The following ATXN10 variants were observed in gnomAD, a reference collection of about 807,000 sequenced individuals.
ATXN10 encodes the protein ataxin 10.
In ATXN10, 28 loss-of-function variants were observed where a neutral mutation model predicts 52.9. That is an observed-to-expected ratio of 0.53 (90% confidence interval 0.39 to 0.73). The LOEUF (loss-of-function observed/expected upper bound fraction) is 0.73. ATXN10 is among the 30% of genes least tolerant of loss of function. The pLI is 0.00. For synonymous variants in ATXN10, 226 were observed against 221.5 expected (o/e 1.02, Z -0.18); for missense variants, 565 against 577.0 (o/e 0.98, Z 0.21).
rs1311962971 is a variant in ATXN10 at position 45,806,951 on chromosome 22, C to T, written c.1174-8C>T. ...TTCAGTGTATAAACTTATCTTCTTTCTCTCTAGGTAAATGAGCTGGATGGT... is the reference window on the plus strand; with the variant it reads ...TTCAGTGTATAAACTTATCTTCTTTTTCTCTAGGTAAATGAGCTGGATGGT... On this transcript the variant is annotated splice_polypyrimidine_tract_variant and splice_region_variant and intron_variant, in intron 9 of 11. Transcript: ENST00000252934. 6.2e-7 allele frequency: 1 copy of T among 1,610,794 alleles called. No individual in the cohort carries two copies. Among genetic ancestry groups the T allele is most frequent in the Non-Finnish European group, 8.5e-7 (1 of 1,177,126 alleles).
At chr22:45,793,678 G>C in intron 9 of ATXN10, 1 of 1,460,292 alleles carries the variant, frequency 6.8e-7, no homozygotes, top group Non-Finnish European at 9.1e-7. Flanking sequence ...CATCTCAAGA[G>C]AAGTCACCAA....
rs1445557407 is a variant in ATXN10 at position 45,700,873 on chromosome 22, A to G, written c.488+495A>G. On this transcript the variant is annotated intron_variant, in intron 4 of 11. Coordinates refer to ENST00000252934, the MANE Select transcript of ATXN10 (RefSeq NM_013236.4). ...GAAGATGTGGATAAACAATCAGTTT[A>G]TCCATGTAAGAAGTGAGTAACCAGT... Among the ~76,000 whole-genome samples, 3 of 152,230 alleles carry G rather than the reference A, an allele frequency of 2.0e-5. No individual in the cohort carries two copies. In the East Asian group the frequency reaches 5.8e-4, roughly 29 times the overall value.
At chr22:45,725,523 A>G (rs1793710581) in intron 6 of ATXN10, among the ~76,000 whole-genome samples, 1 of 151,184 alleles carries the variant, frequency 6.6e-6, no homozygotes, top group South Asian at 2.1e-4. Context: ...TTGTTACCTG[A>G]GACTTTACTG....
intron 4 of ATXN10, among the ~76,000 whole-genome samples, chr22:45,702,195 G>A (rs978675596): frequency 4.6e-5 from 7 of 152,148 alleles, no homozygotes; most frequent in African/African-American, 1.7e-4. Context: ...ATATGTCAGT[G>A]ACCTTCCCCA....
At chr22:45,760,684 A>G (rs1378684065) in intron 9 of ATXN10, 1 of 154,068 alleles carries the variant, frequency 6.5e-6, no homozygotes, top group Non-Finnish European at 1.5e-5. Context: ...CTCTTACCTC[A>G]TTTAATGATG....
Position 45,837,959 on chromosome 22 carries a change from A to G in ATXN10, c.1238-5032A>G, listed in dbSNP as rs1269535636. 6.6e-6 allele frequency among the ~76,000 whole-genome samples: 1 copy of G among 152,230 alleles called. No individual in the cohort carries two copies. The highest frequency in any genetic ancestry group is 1.5e-5 in the Non-Finnish European group (1 of 68,042). ...AAACACCGACAGAGCAGTGACCAGA[A>G]CAGAGTTCCTGTCGCCCTGGAGTCT... On this transcript the variant is annotated intron_variant, in intron 10 of 11. Transcript: ENST00000252934. This position sits in a 1 kb window ranked among gnomAD's most constrained non-coding sequence, Gnocchi z 5.8.
At chr22:45,803,148 A>G (rs1407227334) in intron 9 of ATXN10, among the ~76,000 whole-genome samples, 4 of 152,330 alleles carry the variant, frequency 2.6e-5, no homozygotes, top group African/African-American at 9.6e-5. Context: ...AGAAGGCACT[A>G]TCATCCCCAT....
intron 9 of ATXN10, among the ~76,000 whole-genome samples, chr22:45,771,744 G>T (rs547793278): frequency 1.3e-5 from 2 of 151,946 alleles, no homozygotes; most frequent in Non-Finnish European, 2.9e-5. Flanking sequence ...ATCTGTTCCA[G>T]TCTTTTCCTT....
At position 45,784,873 on chromosome 22, in the gene ATXN10, C is replaced by A. The variant is rs544169736; in HGVS notation, c.1174-22086C>A. ...TGATGGCAAGGAGCTTATCATAATA[C>A]AACAAGCAATTGAGATTCTGTCCAT... On this transcript the variant is annotated intron_variant, in intron 9 of 11. Coordinates refer to ENST00000252934, the MANE Select transcript of ATXN10 (RefSeq NM_013236.4). The surrounding 1 kb of genome is among the most constrained non-coding windows in gnomAD (Gnocchi z 4.2). Among the ~76,000 whole-genome samples, 1 of 152,294 alleles carries A rather than the reference C, an allele frequency of 6.6e-6. No individual in the cohort carries two copies. The highest frequency in any genetic ancestry group is 2.1e-4 in the South Asian group (1 of 4,822).
chr22:45,718,587 C>A lies in ATXN10; in HGVS notation c.728+94C>A. The A allele has an allele frequency of 2.7e-6, 3 of 1,102,194 alleles. No individual in the cohort carries two copies. Among genetic ancestry groups the A allele is most frequent in the South Asian group, 2.5e-5 (2 of 80,494 alleles). 68.3% of individuals were successfully genotyped at this position (1,102,194 alleles called of 1,614,324 possible). ...AAAAGCTGTGTGGTTTCTGAGTTGG[C>A]ACAGAATCTCTAAATACATGTTTCT... is the stretch of plus-strand genomic sequence containing the variant. On this transcript the variant is annotated intron_variant, in intron 6 of 11. Transcript: ENST00000252934. This position sits in a 1 kb window ranked among gnomAD's most constrained non-coding sequence, Gnocchi z 4.4.
intron 9 of ATXN10, among the ~76,000 whole-genome samples, chr22:45,760,352 A>G (rs1387235172): frequency 2.6e-5 from 4 of 152,100 alleles, no homozygotes; most frequent in Admixed American, 2.0e-4. Flanking sequence ...ATTATTCAAC[A>G]TCGTTCCCTT....
rs924369973 is a variant in ATXN10 at position 45,701,366 on chromosome 22, C to T, written c.488+988C>T. On this transcript the variant is annotated intron_variant, in intron 4 of 11. Transcript: ENST00000252934. This position sits in a 1 kb window ranked among gnomAD's most constrained non-coding sequence, Gnocchi z 4.2. ...AGCCTATCTATGCTCATTGTAAATA[C>T]TGTGCTGCTTAAATTCCGTAATGCC... is the stretch of plus-strand genomic sequence containing the variant. Among the ~76,000 whole-genome samples, 2 of 152,208 alleles carry T rather than the reference C, an allele frequency of 1.3e-5. No individual in the cohort carries two copies. Among genetic ancestry groups the T allele is most frequent in the Non-Finnish European group, 2.9e-5 (2 of 68,040 alleles).
intron 6 of ATXN10, among the ~76,000 whole-genome samples, chr22:45,724,318 A>G (rs1206905701): frequency 6.6e-6 from 1 of 151,994 alleles, no homozygotes; most frequent in Non-Finnish European, 1.5e-5. Flanking sequence ...CACTACATCC[A>G]TGGCAACATC....
rs1456982594 is a variant in ATXN10 at position 45,757,922 on chromosome 22, G to A, written c.1173+17384G>A. 1.3e-5 allele frequency among the ~76,000 whole-genome samples: 2 copies of A among 152,148 alleles called. No homozygotes were observed. The highest frequency in any genetic ancestry group is 2.9e-5 in the Non-Finnish European group (2 of 68,036). On this transcript the variant is annotated intron_variant, in intron 9 of 11. Transcript: ENST00000252934. This position sits in a 1 kb window ranked among gnomAD's most constrained non-coding sequence, Gnocchi z 4.6. ...TTGGCATTTATTGGACCTCTGCTGTGGATACTATTTACTTCTTTTGAAATT... is the reference window on the plus strand; with the variant it reads ...TTGGCATTTATTGGACCTCTGCTGTAGATACTATTTACTTCTTTTGAAATT...
chr22:45,813,229 G>T (rs111727005), intron 10 of ATXN10, among the ~76,000 whole-genome samples: 103 of 151,556 alleles, frequency 6.8e-4, no homozygotes, highest in Admixed American at 1.8e-3. Context: ...GGGATTTTTT[G>T]TTGTTGTTGT....
chr22:45,840,394 A>C lies in ATXN10; in HGVS notation c.1238-2597A>C, dbSNP rs1211013113. 6.6e-6 allele frequency among the ~76,000 whole-genome samples: 1 copy of C among 152,070 alleles called. No individual in the cohort carries two copies. Among genetic ancestry groups the C allele is most frequent in the Non-Finnish European group, 1.5e-5 (1 of 68,018 alleles). The stretch of plus-strand genomic sequence containing the variant: ...GTGCACCTAATCTAAGCAGGTGCCG[A>C]GGGGTAGCTAAGACAGGGAAGGCTT... On this transcript the variant is annotated intron_variant, in intron 10 of 11. Transcript: ENST00000252934. This position sits in a 1 kb window ranked among gnomAD's most constrained non-coding sequence, Gnocchi z 5.8.
Position 45,787,803 on chromosome 22 carries a change from C to T in ATXN10, c.1174-19156C>T, listed in dbSNP as rs185110998. ...AGAAGTTACCCTGAAAAACAATCAGCGGGCAAATAATTTGATGATCACTGT... is the reference window on the plus strand; with the variant it reads ...AGAAGTTACCCTGAAAAACAATCAGTGGGCAAATAATTTGATGATCACTGT... On this transcript the variant is annotated intron_variant, in intron 9 of 11. Transcript: ENST00000252934. The surrounding 1 kb of genome is among the most constrained non-coding windows in gnomAD (Gnocchi z 4.2). 4.6e-5 allele frequency among the ~76,000 whole-genome samples: 7 copies of T among 152,282 alleles called. No individual in the cohort carries two copies. Among genetic ancestry groups the T allele is most frequent in the Middle Eastern group, 3.4e-3 (1 of 294 alleles).
chr22:45,771,716 C>T (rs1455235455), intron 9 of ATXN10, among the ~76,000 whole-genome samples: 1 of 152,126 alleles, frequency 6.6e-6, no homozygotes, highest in East Asian at 1.9e-4. Context: ...TGTGCCCGGC[C>T]TGAGTCTTTG....
In ATXN10 at chr22:45,784,975, G is replaced by A. The variant is rs891081780; in HGVS notation, c.1174-21984G>A. Among the ~76,000 whole-genome samples, 1 of 152,200 alleles carries A rather than the reference G, an allele frequency of 6.6e-6. No individual in the cohort carries two copies. Among genetic ancestry groups the A allele is most frequent in the Non-Finnish European group, 1.5e-5 (1 of 68,032 alleles). ...GGCACTGAAGTATGACATTGTAGATGATGCATTATGGGTGGGGATTGCACC... is the reference window on the plus strand; with the variant it reads ...GGCACTGAAGTATGACATTGTAGATAATGCATTATGGGTGGGGATTGCACC... On this transcript the variant is annotated intron_variant, in intron 9 of 11. Coordinates refer to ENST00000252934, the MANE Select transcript of ATXN10 (RefSeq NM_013236.4). This position sits in a 1 kb window ranked among gnomAD's most constrained non-coding sequence, Gnocchi z 4.2.
Sources: gnomAD v4.1 joint callset for allele counts (sites outside exome capture counted in the v4.1 genomes callset) on GRCh38, gnomAD v4.1.1 for gene constraint, Gnocchi (gnomAD v3.1) non-coding constraint, MANE v1.5 for transcripts, NCBI Gene and HGNC (gene_info 2026-07-23, HGNC 2026-07-21) for gene names.